DLG2: variants seen among roughly 807,000 people sequenced by gnomAD.
The protein encoded by DLG2 is disks large homolog 2.
A neutral mutation model predicts 132.5 loss-of-function variants in DLG2; 45 were observed. That is an observed-to-expected ratio of 0.34 (90% CI 0.27 to 0.44). DLG2 has a LOEUF of 0.44. Among genes scored for constraint, DLG2 ranks in the 20% least tolerant of loss-of-function variants. DLG2 has a pLI of 1.00. For missense variants in DLG2, 1,045 were observed against 1,196.9 expected (o/e 0.87, Z 1.87); for synonymous variants, 424 against 419.6 (o/e 1.01, Z -0.13).
intron 6 of DLG2, among the ~76,000 whole-genome samples, chr11:84,999,603 T>C (rs559795030): frequency 2.0e-4 from 31 of 152,228 alleles, no homozygotes; most frequent in African/African-American, 6.7e-4. Context: ...AGGTTCACTG[T>C]GGGTTGTGGT....
At chr11:84,297,165 T>C (rs1259292051) in intron 7 of DLG2, among the ~76,000 whole-genome samples, 1 of 149,812 alleles carries the variant, frequency 6.7e-6, no homozygotes, top group Non-Finnish European at 1.5e-5. Context: ...CATGATTGAT[T>C]AATATATTAG....
At chr11:83,898,601 TA>T (rs1596125649) in intron 15 of DLG2, among the ~76,000 whole-genome samples, 1 of 152,132 alleles carries the variant, frequency 6.6e-6, no homozygotes, top group Non-Finnish European at 1.5e-5. Flanking sequence ...TTCTATGAGA[TA>T]TTATTTAAAA....
intron 18 of DLG2, among the ~76,000 whole-genome samples, chr11:83,679,200 T>C (rs988751358): frequency 2.0e-5 from 3 of 152,162 alleles, no homozygotes; most frequent in African/African-American, 7.2e-5. Context: ...AATTCCTCAT[T>C]TGATAACGGA....
chr11:84,113,221 C>T (rs1238023003), intron 9 of DLG2, among the ~76,000 whole-genome samples: 2 of 152,070 alleles, frequency 1.3e-5, no homozygotes, highest in African/African-American at 4.8e-5. Context: ...TAAATATTGA[C>T]CTTTGAGTCC....
At chr11:84,570,334 T>A (rs757694260) in intron 6 of DLG2, among the ~76,000 whole-genome samples, 1 of 152,168 alleles carries the variant, frequency 6.6e-6, no homozygotes, top group Non-Finnish European at 1.5e-5. Context: ...GGTCCTCCTG[T>A]CTTCCTTTCA....
intron 18 of DLG2, among the ~76,000 whole-genome samples, chr11:83,720,084 G>A (rs1253286451): frequency 1.3e-5 from 2 of 151,790 alleles, no homozygotes; most frequent in East Asian, 3.9e-4. Context: ...CCTGAGGTCA[G>A]GAGCTCGAGA....
chr11:84,963,144 T>A (rs1486054129), intron 6 of DLG2, among the ~76,000 whole-genome samples: 1 of 152,174 alleles, frequency 6.6e-6, no homozygotes, highest in Non-Finnish European at 1.5e-5. Context: ...AATTTCAGGA[T>A]CTCATAAAAT....
At chr11:85,474,723 C>T (rs981813917) in intron 3 of DLG2, among the ~76,000 whole-genome samples, 1 of 151,612 alleles carries the variant, frequency 6.6e-6, no homozygotes, top group East Asian at 1.9e-4. Flanking sequence ...ATTAAAACAA[C>T]TAAGGAATTA....
At chr11:84,187,251 C>A (rs2096293859) in intron 8 of DLG2, among the ~76,000 whole-genome samples, 1 of 151,662 alleles carries the variant, frequency 6.6e-6, no homozygotes, top group Non-Finnish European at 1.5e-5. Context: ...GCTGGTATAT[C>A]TTTATTATAT....
chr11:84,377,772 A>T (rs1197900078), intron 7 of DLG2, among the ~76,000 whole-genome samples: 5 of 152,170 alleles, frequency 3.3e-5, no homozygotes, highest in Admixed American at 6.6e-5. Context: ...TATATATTTT[A>T]ATGTTTAACT....
chr11:85,341,110 T>TG (rs2082464554), intron 3 of DLG2, among the ~76,000 whole-genome samples: 1 of 150,102 alleles, frequency 6.7e-6, no homozygotes, highest in Non-Finnish European at 1.5e-5. Context: ...TTCTTGTTTG[T>TG]TTTTGTTTTG....
chr11:83,753,391 C>G lies in DLG2; in HGVS notation c.1825+33299G>C, dbSNP rs757501833. On this transcript the variant is annotated intron_variant, in intron 18 of 27. Transcript: ENST00000376104. ...TGAGCCAAGATTGTGCCACTGCACT[C>G]CAGCCTGGGTGACACAGCAAGGCTC... is the stretch of plus-strand genomic sequence containing the variant. 7.9e-4 allele frequency among the ~76,000 whole-genome samples: 120 copies of G among 152,098 alleles called. 2 individuals are homozygous for G. In the Middle Eastern group the frequency reaches 0.044, roughly 56 times the overall value.
chr11:85,031,393 A>T (rs999562218), intron 6 of DLG2, among the ~76,000 whole-genome samples: 1 of 152,126 alleles, frequency 6.6e-6, no homozygotes, highest in African/African-American at 2.4e-5. Context: ...ATCTTTTTAT[A>T]ATAGTCATCC....
chr11:84,411,573 T>C (rs78189741), intron 7 of DLG2, among the ~76,000 whole-genome samples: 1 of 152,000 alleles, frequency 6.6e-6, no homozygotes, highest in Non-Finnish European at 1.5e-5. Flanking sequence ...TTTTTTTTTT[T>C]GCCTCAATTC....
chr11:85,596,729 C>A (rs534016896), intron 3 of DLG2, among the ~76,000 whole-genome samples: 1 of 152,230 alleles, frequency 6.6e-6, no homozygotes, highest in African/African-American at 2.4e-5. Context: ...TTCAATGGCT[C>A]CCTACCTATC....
intron 6 of DLG2, among the ~76,000 whole-genome samples, chr11:84,952,374 G>A (rs545570795): frequency 2.3e-4 from 35 of 152,234 alleles, no homozygotes; most frequent in African/African-American, 7.9e-4. Context: ...AAAATTAGCC[G>A]GGCGCAGTGG....
chr11:83,864,956 C>G (rs562512430), intron 16 of DLG2, among the ~76,000 whole-genome samples: 2 of 152,198 alleles, frequency 1.3e-5, no homozygotes, highest in South Asian at 4.1e-4. Flanking sequence ...AGGTCACAGC[C>G]AGGCAAGGTA....
intron 15 of DLG2, among the ~76,000 whole-genome samples, chr11:83,929,862 G>A (rs1369326461): frequency 2.6e-5 from 4 of 152,040 alleles, no homozygotes; most frequent in East Asian, 3.9e-4. Context: ...TCAGTTAAAT[G>A]GTGATATTAA....
At chr11:84,304,517 C>A (rs964003338) in intron 7 of DLG2, among the ~76,000 whole-genome samples, 1 of 152,176 alleles carries the variant, frequency 6.6e-6, no homozygotes, top group African/African-American at 2.4e-5. Context: ...CAGAGGTCAG[C>A]AAACTTGTTT....
Sources: gnomAD v4.1 joint callset for allele counts (sites outside exome capture counted in the v4.1 genomes callset) on GRCh38, gnomAD v4.1.1 for gene constraint, MANE v1.5 for transcripts, NCBI Gene and HGNC (gene_info 2026-07-23, HGNC 2026-07-21) for gene names.